The following DPP10 variants were observed in gnomAD, a reference collection of about 807,000 sequenced individuals.
DPP10 encodes dipeptidyl peptidase like 10.
In DPP10, 33 loss-of-function variants were observed where a neutral mutation model predicts 120.9. The observed-to-expected ratio is 0.27, with a 90% CI of 0.21 to 0.37. The LOEUF (loss-of-function observed/expected upper bound fraction) is 0.37, where lower values mean the gene tolerates loss of function less well. Among genes scored for constraint, DPP10 ranks in the 10% least tolerant of loss-of-function variants. The probability of loss-of-function intolerance (pLI) is 1.00; values close to 1 mark genes in which losing one functional copy is unlikely to be tolerated. For missense variants in DPP10, 816 were observed against 942.8 expected, an observed-to-expected ratio of 0.87 and a Z score of 1.76; for synonymous variants, 337 against 326.1, an observed-to-expected ratio of 1.03 and a Z score of -0.36.
chr2:115,439,242 G>A lies in DPP10; in HGVS notation c.272-60268G>A, dbSNP rs843414. Reference sequence around the variant, plus strand: ...GGAATAGTGGCTAAGATGGTCATGGGAGCACAGTGTGGAATAGTGGCTAAG... The same window carrying A: ...GGAATAGTGGCTAAGATGGTCATGGAAGCACAGTGTGGAATAGTGGCTAAG... On this transcript the variant is annotated intron_variant, in intron 3 of 25. Coordinates refer to ENST00000410059, the MANE Select transcript of DPP10 (RefSeq NM_020868.6). 2.7e-3 allele frequency among the ~76,000 whole-genome samples: 238 copies of A among 89,574 alleles called. 5 individuals carry two copies. The highest frequency in any genetic ancestry group is 0.013 in the East Asian group (26 of 2,064). 58.8% of individuals were successfully genotyped at this position (89,574 alleles called of 152,430 possible).
intron 4 of DPP10, among the ~76,000 whole-genome samples, chr2:115,523,595 C>T (rs771759718): frequency 1.3e-5 from 2 of 152,000 alleles, no homozygotes; most frequent in African/African-American, 2.4e-5. Context: ...TACATAACAG[C>T]GTACCATTTC....
chr2:115,045,022 A>T (rs564945067), intron 1 of DPP10, among the ~76,000 whole-genome samples: 2 of 152,170 alleles, frequency 1.3e-5, no homozygotes, highest in Non-Finnish European at 2.9e-5. Context: ...TCATCTGTTG[A>T]TGGATACTTT....
chr2:115,018,094 C>A (rs946222094), intron 1 of DPP10, among the ~76,000 whole-genome samples: 1 of 151,330 alleles, frequency 6.6e-6, no homozygotes, highest in East Asian at 1.9e-4. Context: ...ATGCGGCCAA[C>A]AAACATGAAA....
chr2:115,509,393 A>C (rs2077108590), intron 4 of DPP10, among the ~76,000 whole-genome samples: 1 of 152,136 alleles, frequency 6.6e-6, no homozygotes, highest in Non-Finnish European at 1.5e-5. Context: ...TGGTTGTATG[A>C]CTTAAATGAA....
At chr2:114,976,696 C>T (rs1699775898) in intron 1 of DPP10, among the ~76,000 whole-genome samples, 1 of 152,286 alleles carries the variant, frequency 6.6e-6, no homozygotes, top group South Asian at 2.1e-4. Context: ...TTTCTTCATC[C>T]TTGAAGTTCA....
intron 3 of DPP10, among the ~76,000 whole-genome samples, chr2:115,446,514 C>G (rs149934872): frequency 8.2e-4 from 125 of 152,288 alleles, no homozygotes; most frequent in African/African-American, 2.9e-3. Context: ...AGAGGGACTT[C>G]TGACCGATTT....
intron 1 of DPP10, among the ~76,000 whole-genome samples, chr2:115,016,973 C>T (rs555006447): frequency 4.0e-5 from 6 of 149,228 alleles, no homozygotes; most frequent in South Asian, 4.3e-4. Context: ...AACCAAACAC[C>T]GCATGTTCTC....
rs1342360612 is a variant in DPP10, at chr2:115,749,923, AC to A, written c.951-3248del. 39 of 929,690 alleles carry A rather than the reference AC, an allele frequency of 4.2e-5. No individual in the cohort carries two copies. The South Asian group carries it at 1.5e-3, about 37-fold the overall frequency. The allele number at this position is 929,690 out of a possible 1,614,324, so 57.6% of individuals were successfully genotyped here. Reference sequence around the variant, plus strand: ...ACAATTAGATCTTCTGTGCCAGACCACCCAGCTGATAGAAAGTCTGTTGACT... The same window carrying A: ...ACAATTAGATCTTCTGTGCCAGACCACCAGCTGATAGAAAGTCTGTTGACT... On this transcript the variant is annotated intron_variant, in intron 10 of 25. Coordinates refer to ENST00000410059, the MANE Select transcript of DPP10 (RefSeq NM_020868.6).
chr2:114,565,051 C>A (rs1343326127), intron 1 of DPP10, among the ~76,000 whole-genome samples: 1 of 152,142 alleles, frequency 6.6e-6, no homozygotes, highest in African/African-American at 2.4e-5. Context: ...AATATACAAG[C>A]AAATGTCAAG....
At chr2:114,913,435 G>A (rs7572390) in intron 1 of DPP10, among the ~76,000 whole-genome samples, 148,778 of 152,254 alleles carry the variant, frequency 0.98, 72,747 homozygotes, top group East Asian at 1. Context: ...GAAAAAAGCC[G>A]TAAGACTGGT....
At chr2:115,610,840 A>T (rs2084048010) in intron 5 of DPP10, among the ~76,000 whole-genome samples, 1 of 152,172 alleles carries the variant, frequency 6.6e-6, no homozygotes, top group Non-Finnish European at 1.5e-5. Context: ...TTATTTTGAA[A>T]AGAAAGAAGA....
chr2:115,472,237 A>G (rs979519), intron 3 of DPP10, among the ~76,000 whole-genome samples: 125,831 of 152,036 alleles, frequency 0.83, 55,137 homozygotes, highest in Non-Finnish European at 0.97. Context: ...TTATGAATGT[A>G]GAAAATAATG....
At chr2:114,770,325 G>T (rs2106146788) in intron 1 of DPP10, among the ~76,000 whole-genome samples, 1 of 152,206 alleles carries the variant, frequency 6.6e-6, no homozygotes, top group Non-Finnish European at 1.5e-5. Flanking sequence ...TTATATGATT[G>T]AAGAGAAGAA....
intron 3 of DPP10, among the ~76,000 whole-genome samples, chr2:115,372,904 A>G (rs1406617607): frequency 6.6e-6 from 1 of 152,224 alleles, no homozygotes; most frequent in East Asian, 1.9e-4. Context: ...GAAAATAGAA[A>G]CACAATCAAG....
At chr2:114,935,401 C>T (rs188161722) in intron 1 of DPP10, among the ~76,000 whole-genome samples, 1 of 152,248 alleles carries the variant, frequency 6.6e-6, no homozygotes, top group East Asian at 1.9e-4. Flanking sequence ...ACCTAATGTG[C>T]CCATTAGGCA....
In DPP10 at chr2:114,945,670, G is replaced by T. The variant is rs569964680; in HGVS notation, c.61-363569G>T. On this transcript the variant is annotated intron_variant, in intron 1 of 25. Coordinates refer to ENST00000410059, the MANE Select transcript of DPP10 (RefSeq NM_020868.6). Reference sequence around the variant, plus strand: ...TCTCTACTAAAAATACAAAAAATTAGCTGGGCATGGCGGCGGACACCTGTA... The same window carrying T: ...TCTCTACTAAAAATACAAAAAATTATCTGGGCATGGCGGCGGACACCTGTA... 1.6e-3 allele frequency among the ~76,000 whole-genome samples: 246 copies of T among 152,170 alleles called. 2 individuals carry two copies. The highest frequency in any genetic ancestry group is 5.7e-3 in the African/African-American group (235 of 41,512).
chr2:115,677,804 C>T (rs2090377980), intron 5 of DPP10, among the ~76,000 whole-genome samples: 1 of 152,230 alleles, frequency 6.6e-6, no homozygotes, highest in African/African-American at 2.4e-5. Context: ...GAGAGAGAGT[C>T]TCCACTACAG....
At chr2:115,277,538 T>C (rs1383445267) in intron 1 of DPP10, among the ~76,000 whole-genome samples, 2 of 149,400 alleles carry the variant, frequency 1.3e-5, no homozygotes, top group Non-Finnish European at 3.0e-5. Flanking sequence ...CAGAAGAAAA[T>C]GTTTTATAAC....
intron 4 of DPP10, among the ~76,000 whole-genome samples, chr2:115,515,991 C>A (rs2077485548): frequency 6.6e-6 from 1 of 152,078 alleles, no homozygotes; most frequent in Admixed American, 6.6e-5. Context: ...TTTATCTTAG[C>A]ATTCTACACA....
Sources: gnomAD v4.1 joint callset for allele counts (sites outside exome capture counted in the v4.1 genomes callset) on GRCh38, gnomAD v4.1.1 for gene constraint, MANE v1.5 for transcripts, NCBI Gene and HGNC (gene_info 2026-07-23, HGNC 2026-07-21) for gene names.